The following RIMBP2 variants were observed in gnomAD, a reference collection of about 807,000 sequenced individuals.
RIMBP2 encodes RIMS-binding protein 2.
Under a neutral mutation model 118.6 loss-of-function variants are expected in RIMBP2, and 48 were observed. The observed-to-expected ratio is 0.40, with a 90% confidence interval of 0.32 to 0.51. The LOEUF (loss-of-function observed/expected upper bound fraction) is 0.51, where lower values mean the gene tolerates loss of function less well. Among genes scored for constraint, RIMBP2 ranks in the 20% least tolerant of loss-of-function variants. RIMBP2 has a pLI of 0.41. For missense variants in RIMBP2, 1,551 were observed against 1,768.3 expected (o/e 0.88, Z 2.20); for synonymous variants, 762 against 742.9 (o/e 1.03, Z -0.42).
chr12:130,489,723 T>C (rs189501793), intron 4 of RIMBP2, among the ~76,000 whole-genome samples: 1 of 152,344 alleles, frequency 6.6e-6, no homozygotes, highest in Admixed American at 6.5e-5. Flanking sequence ...CACAATCCCC[T>C]GTATTAATGT....
chr12:130,665,417 T>C (rs1431211536), intron 1 of RIMBP2, among the ~76,000 whole-genome samples: 1 of 151,150 alleles, frequency 6.6e-6, no homozygotes, highest in Admixed American at 6.6e-5. Flanking sequence ...CACAGCTACT[T>C]GGGAGGCTGA....
chr12:130,607,178 G>A (rs1025450250), intron 2 of RIMBP2, among the ~76,000 whole-genome samples: 1 of 152,124 alleles, frequency 6.6e-6, no homozygotes, highest in South Asian at 2.1e-4. Flanking sequence ...AGCCTGAGGT[G>A]TAGAAAGTAT....
chr12:130,455,176 G>A (rs1042627222), intron 7 of RIMBP2, among the ~76,000 whole-genome samples: 1 of 152,252 alleles, frequency 6.6e-6, no homozygotes, highest in East Asian at 1.9e-4. Flanking sequence ...GAGACAGCAT[G>A]GAGACACGTG....
chr12:130,591,229 G>A (rs1424605480), intron 2 of RIMBP2, among the ~76,000 whole-genome samples: 1 of 152,194 alleles, frequency 6.6e-6, no homozygotes, highest in Non-Finnish European at 1.5e-5. Flanking sequence ...CACATGGCTG[G>A]AACGTCAACT....
At chr12:130,609,495 G>A (rs1400994379) in intron 2 of RIMBP2, among the ~76,000 whole-genome samples, 4 of 150,236 alleles carry the variant, frequency 2.7e-5, no homozygotes, top group South Asian at 2.1e-4. Flanking sequence ...TGGTGAGGTC[G>A]GGGGTCAGGA....
rs11060930 is a variant in RIMBP2, at chr12:130,477,369, G to C, written c.102+1543C>G. 9.8e-3 allele frequency among the ~76,000 whole-genome samples: 1,490 copies of C among 152,246 alleles called. 94 individuals are homozygous for C. The East Asian group carries it at 0.16, about 17-fold the overall frequency. ...CTACAGACTTATATCTGTCTCAGAC[G>C]GTCCCCGCCTGGGGACGTGGCTTCT... On this transcript the variant is annotated intron_variant, in intron 5 of 22. Transcript: ENST00000690449.
intron 22 of RIMBP2, chr12:130,398,888 A>G (rs1294619416): frequency 4.4e-5 from 12 of 274,004 alleles, no homozygotes; most frequent in Non-Finnish European, 7.4e-5. Context: ...TAATGCAAAT[A>G]GTAGGAAATG....
rs1350824036 is a variant in RIMBP2, at chr12:130,469,868, T to G, written c.153+825A>C. ...GGTAAATCTCTCCTTGAGGGGGTGGTGAATTACACGATCCTTGACTTCGGC... is the reference window on the plus strand; with the variant it reads ...GGTAAATCTCTCCTTGAGGGGGTGGGGAATTACACGATCCTTGACTTCGGC... On this transcript the variant is annotated intron_variant, in intron 6 of 22. Coordinates refer to ENST00000690449, the MANE Select transcript of RIMBP2 (RefSeq NM_001393629.1). This position sits in a 1 kb window ranked among gnomAD's most constrained non-coding sequence, Gnocchi z 4.8. 6.6e-6 allele frequency among the ~76,000 whole-genome samples: 1 copy of G among 152,026 alleles called. No homozygotes were observed. Among genetic ancestry groups the G allele is most frequent in the Admixed American group, 6.5e-5 (1 of 15,270 alleles).
intron 19 of RIMBP2, among the ~76,000 whole-genome samples, chr12:130,411,173 C>T (rs1160692726): frequency 6.6e-6 from 1 of 152,182 alleles, no homozygotes; most frequent in East Asian, 1.9e-4. Context: ...GGAAATAGAA[C>T]TGATTTTTGT....
chr12:130,429,298 A>G (rs2077007706), intron 14 of RIMBP2: 3 of 114,444 alleles, frequency 2.6e-5, no homozygotes, highest in Admixed American at 9.2e-5. Flanking sequence ...GAGGCTGCGG[A>G]CAGCAGAAAG....
chr12:130,702,783 C>A (rs926828025), intron 1 of RIMBP2, among the ~76,000 whole-genome samples: 3 of 152,084 alleles, frequency 2.0e-5, no homozygotes, highest in African/African-American at 7.2e-5. Context: ...GAATCTTGGG[C>A]CCCTTCCCCA....
At chr12:130,487,764 T>C (rs985875952) in intron 4 of RIMBP2, among the ~76,000 whole-genome samples, 2 of 152,150 alleles carry the variant, frequency 1.3e-5, no homozygotes, top group Non-Finnish European at 2.9e-5. Context: ...ACAGGACTTG[T>C]TTCCCTGTCT....
chr12:130,615,865 T>A (rs1015317393), intron 2 of RIMBP2, among the ~76,000 whole-genome samples: 2 of 152,122 alleles, frequency 1.3e-5, no homozygotes, highest in Non-Finnish European at 2.9e-5. Context: ...GTTTCAAACG[T>A]CTGCCATCAC....
At position 130,534,183 on chromosome 12, in the gene RIMBP2, G is replaced by A. The variant is rs113947047; in HGVS notation, c.-216-16266C>T. On this transcript the variant is annotated intron_variant, in intron 2 of 22. Transcript: ENST00000690449. ...TCCATCTTAAAAAAAAAAAAAAAAA[G>A]AGAGAGAGAGTAGAATGATAGACAC... Among the ~76,000 whole-genome samples, 235 of 54,948 alleles carry A rather than the reference G, an allele frequency of 4.3e-3. 4 individuals are homozygous for A. Among genetic ancestry groups the A allele is most frequent in the African/African-American group, 0.015 (192 of 12,746 alleles). 36.0% of individuals were successfully genotyped at this position (54,948 alleles called of 152,430 possible).
Position 130,419,456 on chromosome 12 carries a change from G to A in RIMBP2, c.3238+2997C>T, listed in dbSNP as rs150723355. 819 of 152,344 alleles carry A rather than the reference G, an allele frequency of 5.4e-3. 4 individuals carry two copies. Among genetic ancestry groups the A allele is most frequent in the Admixed American group, 8.2e-3 (126 of 15,304 alleles). The allele number at this position is 152,344 out of a possible 1,614,324, so 9.4% of individuals were successfully genotyped here. ...TTTCCCTCACTACCTGGCCCAGACC[G>A]ACTGCCCTCACTGCTACTGTCCGTT... is the stretch of plus-strand genomic sequence containing the variant. On this transcript the variant is annotated intron_variant, in intron 17 of 22. Coordinates refer to ENST00000690449, the MANE Select transcript of RIMBP2 (RefSeq NM_001393629.1). The surrounding 1 kb of genome is among the most constrained non-coding windows in gnomAD (Gnocchi z 4.3).
intron 4 of RIMBP2, among the ~76,000 whole-genome samples, chr12:130,486,499 C>T (rs2082495722): frequency 6.8e-6 from 1 of 147,238 alleles, no homozygotes; most frequent in Admixed American, 6.7e-5. Flanking sequence ...ACTGCCTACT[C>T]ATTATCCCCA....
Position 130,683,300 on chromosome 12 carries a change from C to T in RIMBP2, c.-352+32922G>A, listed in dbSNP as rs1023368582. Among the ~76,000 whole-genome samples, 3 of 152,212 alleles carry T rather than the reference C, an allele frequency of 2.0e-5. No homozygotes were observed. The highest frequency in any genetic ancestry group is 7.2e-5 in the African/African-American group (3 of 41,456). On this transcript the variant is annotated intron_variant, in intron 1 of 22. Coordinates refer to ENST00000690449, the MANE Select transcript of RIMBP2 (RefSeq NM_001393629.1). This position sits in a 1 kb window ranked among gnomAD's most constrained non-coding sequence, Gnocchi z 4.4. Reference sequence around the variant, plus strand: ...GGATGCCAAGGACAGCCGGGGAACGCAGGGAGCCAGGCTCCCCACAGAGCC... The same window carrying T: ...GGATGCCAAGGACAGCCGGGGAACGTAGGGAGCCAGGCTCCCCACAGAGCC...
chr12:130,515,127 C>T (rs369525359), intron 3 of RIMBP2, among the ~76,000 whole-genome samples: 4 of 152,248 alleles, frequency 2.6e-5, no homozygotes, highest in Middle Eastern at 3.4e-3. Flanking sequence ...CCGCCCGCCT[C>T]GGCCTCCCAA....
rs1436587354 is a variant in RIMBP2 at position 130,670,212 on chromosome 12, G to C, written c.-351-41756C>G. On this transcript the variant is annotated intron_variant, in intron 1 of 22. Coordinates refer to ENST00000690449, the MANE Select transcript of RIMBP2 (RefSeq NM_001393629.1). This position sits in a 1 kb window ranked among gnomAD's most constrained non-coding sequence, Gnocchi z 4.9. ...GAGGCCCTCCCTTGAGCTCTGGGAG[G>C]GAGCACAGCCCCGCCGACACCATGA... Among the ~76,000 whole-genome samples the C allele has an allele frequency of 6.6e-6, 1 of 151,892 alleles. No individual in the cohort carries two copies.
Sources: allele counts gnomAD v4.1 joint callset (sites outside exome capture counted in the v4.1 genomes callset), GRCh38; gene constraint gnomAD v4.1.1; non-coding constraint Gnocchi (gnomAD v3.1); transcripts MANE v1.5; gene names NCBI Gene and HGNC (gene_info 2026-07-23, HGNC 2026-07-21).